The following ADAMTS20 variants were observed in gnomAD, a reference collection of about 807,000 sequenced individuals.
ADAMTS20 encodes the protein A disintegrin and metalloproteinase with thrombospondin motifs 20.
Under a neutral mutation model 260.1 loss-of-function variants are expected in ADAMTS20, and 225 were observed. The observed-to-expected ratio is 0.87, with a 90% CI of 0.78 to 0.97. The LOEUF is 0.97. ADAMTS20 is among the 50% of genes least tolerant of loss of function. ADAMTS20 has a pLI of 0.00. For synonymous variants in ADAMTS20, 802 were observed against 769.5 expected (o/e 1.04, Z -0.70); for missense variants, 2,400 against 2,337.7 (o/e 1.03, Z -0.55).
intron 25 of ADAMTS20, 22 bp from the exon 26 acceptor site, chr12:43,428,553 G>C (rs372121265): frequency 6.3e-7 from 1 of 1,585,492 alleles, no homozygotes; most frequent in Non-Finnish European, 8.6e-7. Flanking sequence ...TTTAGCCAAT[G>C]GTAATATACA....
At position 43,383,600 on chromosome 12, in the gene ADAMTS20, G is replaced by T. The variant is rs1940402134; in HGVS notation, c.4755C>A (p.Asn1585Lys). ...TTACCACAATGTAATTGCAAGGAGG[G>T]TTCCTGCAATTCTTGGATGTAAGAG... ...TISLTSKNCRNPPCNYIVVTA... is the reference protein window; with the variant it reads ...TISLTSKNCRKPPCNYIVVTA... Residue 1585 changes from asparagine (N) to lysine (K), a missense_variant, in exon 31 of 39, where the codon AAC (asparagine) becomes AAA (lysine). By Grantham distance (94) the Asn-to-Lys change is moderately conservative. Coordinates refer to ENST00000389420, the MANE Select transcript of ADAMTS20 (RefSeq NM_025003.5). 1.2e-6 allele frequency: 2 copies of T among 1,613,562 alleles called. No individual in the cohort carries two copies. The highest frequency in any genetic ancestry group is 1.7e-6 in the Non-Finnish European group (2 of 1,179,720).
chr12:43,541,885 A>T (rs998942876), intron 2 of ADAMTS20, among the ~76,000 whole-genome samples: 1 of 152,224 alleles, frequency 6.6e-6, no homozygotes, highest in Non-Finnish European at 1.5e-5. Flanking sequence ...AATAAAAGGG[A>T]AATAAATACG....
chr12:43,376,055 AC>A lies in ADAMTS20; in HGVS notation c.5312+1del. 1.3e-6 allele frequency: 2 copies of A among 1,596,862 alleles called. No homozygotes were observed. Among genetic ancestry groups the A allele is most frequent in the Non-Finnish European group, 1.7e-6 (2 of 1,173,360 alleles). On this transcript the variant is annotated splice_donor_variant, in intron 35 of 38. Coordinates refer to ENST00000389420, the MANE Select transcript of ADAMTS20 (RefSeq NM_025003.5). LOFTEE classifies it high-confidence loss of function. The stretch of plus-strand genomic sequence containing the variant: ...TCAGATAGACCAAAACACATCTCGT[AC>A]CTAAAGCCATACACTTCAGAAAAGT...
At chr12:43,500,169 C>G (rs1425181605) in intron 4 of ADAMTS20, among the ~76,000 whole-genome samples, 1 of 151,954 alleles carries the variant, frequency 6.6e-6, no homozygotes, top group African/African-American at 2.4e-5. Flanking sequence ...GCTGGGATTA[C>G]AGGCATGTGC....
intron 7 of ADAMTS20, among the ~76,000 whole-genome samples, chr12:43,480,910 G>T (rs1174746720): frequency 1.3e-5 from 2 of 151,864 alleles, no homozygotes; most frequent in Non-Finnish European, 2.9e-5. Context: ...GCACAGGAGG[G>T]TGACTATAGT....
chr12:43,432,869 CA>C (rs1218699976), intron 19 of ADAMTS20, 58 bp from the exon 20 acceptor site: 15 of 1,391,902 alleles, frequency 1.1e-5, no homozygotes, highest in Non-Finnish European at 1.4e-5. Context: ...AAAACAGATT[CA>C]GAGACACTCA....
chr12:43,439,911 C>A lies in ADAMTS20; in HGVS notation c.2449G>T (p.Glu817Ter). ...TGAGAATTTACCTGCAAAATAAGTTCTTTCTCTTGTCGATTAGTACTATTA... is the reference window on the plus strand; with the variant it reads ...TGAGAATTTACCTGCAAAATAAGTTATTTCTCTTGTCGATTAGTACTATTA... ...RINSTNRQEK[E>*]LILQVLCVGN... The change falls in exon 17 of 39, where the codon GAA becomes TAA. Residue 817 changes from glutamate (E) to a stop codon, truncating the protein, a stop_gained. Transcript: ENST00000389420. LOFTEE classifies it high-confidence loss of function. 6.2e-7 allele frequency: 1 copy of A among 1,604,452 alleles called. No individual in the cohort carries two copies. The highest frequency in any genetic ancestry group is 8.5e-7 in the Non-Finnish European group (1 of 1,175,406).
chr12:43,464,544 A>G, intron 10 of ADAMTS20, 47 bp downstream of exon 10: 6 of 1,587,004 alleles, frequency 3.8e-6, no homozygotes, highest in Non-Finnish European at 5.1e-6. Flanking sequence ...TTCTAAGATA[A>G]CTTTATGGCA....
rs149860952 is a variant in ADAMTS20 at position 43,502,505 on chromosome 12, T to C, written c.614-100A>G. 3.2e-4 allele frequency: 336 copies of C among 1,061,638 alleles called. 1 individual carries two copies. The African/African-American group carries it at 4.9e-3, about 16-fold the overall frequency. The allele number at this position is 1,061,638 out of a possible 1,614,324, so 65.8% of individuals were successfully genotyped here. ...GCCAAAAATATTTAATACTTACATA[T>C]CTGTTCCCAACATGAAAATAAAAGA... On this transcript the variant is annotated intron_variant, in intron 3 of 38. Coordinates refer to ENST00000389420, the MANE Select transcript of ADAMTS20 (RefSeq NM_025003.5).
chr12:43,413,098 C>T (rs1022113077), intron 28 of ADAMTS20, among the ~76,000 whole-genome samples: 6 of 152,068 alleles, frequency 3.9e-5, no homozygotes, highest in African/African-American at 1.2e-4. Flanking sequence ...CATGAGCCAC[C>T]GTGCCTGGCC....
chr12:43,516,212 T>C (rs981937176), intron 3 of ADAMTS20, among the ~76,000 whole-genome samples: 7 of 151,130 alleles, frequency 4.6e-5, no homozygotes, highest in African/African-American at 1.7e-4. Context: ...GAACACATGC[T>C]AGGGCCAGCC....
At chr12:43,442,248 G>A (rs868538014) in intron 16 of ADAMTS20, among the ~76,000 whole-genome samples, 1 of 150,802 alleles carries the variant, frequency 6.6e-6, no homozygotes, top group Non-Finnish European at 1.5e-5. Context: ...ATACTTTATT[G>A]GTGAACATTT....
chr12:43,541,391 G>A (rs987739373), intron 2 of ADAMTS20, among the ~76,000 whole-genome samples: 1 of 152,130 alleles, frequency 6.6e-6, no homozygotes, highest in East Asian at 1.9e-4. Flanking sequence ...GAAGGTTAAT[G>A]TGTGTTTAAG....
chr12:43,416,591 T>C (rs1941135203), intron 28 of ADAMTS20, among the ~76,000 whole-genome samples: 1 of 143,840 alleles, frequency 7.0e-6, no homozygotes, highest in Non-Finnish European at 1.5e-5. Flanking sequence ...TGGAGCAACC[T>C]CGGCTCACTG....
chr12:43,441,368 A>G (rs1169871343), intron 16 of ADAMTS20, among the ~76,000 whole-genome samples: 2 of 151,848 alleles, frequency 1.3e-5, no homozygotes, highest in South Asian at 2.1e-4. Flanking sequence ...TATAGTATGT[A>G]TTAGTAACAT....
chr12:43,360,336 C>A (rs568108384), intron 37 of ADAMTS20, among the ~76,000 whole-genome samples: 23 of 152,206 alleles, frequency 1.5e-4, no homozygotes, highest in African/African-American at 5.1e-4. Context: ...GTAATCCTAG[C>A]CACTCAGGAG....
intron 2 of ADAMTS20, among the ~76,000 whole-genome samples, chr12:43,541,530 T>C (rs1943376516): frequency 6.6e-6 from 1 of 152,190 alleles, no homozygotes; most frequent in African/African-American, 2.4e-5. Context: ...GTATAAATGT[T>C]ATATAATCGA....
chr12:43,530,649 G>A (rs1290711237), intron 3 of ADAMTS20, among the ~76,000 whole-genome samples: 1 of 152,036 alleles, frequency 6.6e-6, no homozygotes, highest in African/African-American at 2.4e-5. Context: ...CCACCCTTTT[G>A]TCTAGATTTT....
intron 29 of ADAMTS20, among the ~76,000 whole-genome samples, chr12:43,384,273 T>TA (rs1282075016): frequency 6.6e-6 from 1 of 152,210 alleles, no homozygotes; most frequent in Non-Finnish European, 1.5e-5. Context: ...ATAATGTCTA[T>TA]AAAAATTACC....
Sources: allele counts gnomAD v4.1 joint callset (sites outside exome capture counted in the v4.1 genomes callset), GRCh38; gene constraint gnomAD v4.1.1; transcripts MANE v1.5; gene names NCBI Gene and HGNC (gene_info 2026-07-23, HGNC 2026-07-21).